Variants in DOK6 observed in about 807,000 individuals in gnomAD.
DOK6 encodes downstream of tyrosine kinase 6.
In DOK6, 22 loss-of-function variants were observed where a neutral mutation model predicts 44.0. The observed-to-expected ratio is 0.50, with a 90% confidence interval of 0.36 to 0.71. The LOEUF (loss-of-function observed/expected upper bound fraction) is 0.71, where lower values mean the gene tolerates loss of function less well. Among genes scored for constraint, DOK6 ranks in the 30% least tolerant of loss-of-function variants. The pLI is 0.00. For synonymous variants in DOK6, 166 were observed against 145.5 expected (o/e 1.14, Z -1.01); for missense variants, 340 against 416.4 (o/e 0.82, Z 1.60).
rs559224733 is a variant in DOK6 at position 69,565,287 on chromosome 18, G to C, written c.174+693G>C. On this transcript the variant is annotated intron_variant, in intron 2 of 7. Coordinates refer to ENST00000382713, the MANE Select transcript of DOK6 (RefSeq NM_152721.6). ...TAATTTCTCATTGGTCATACATGGA[G>C]TAAGTTTTCCTGGATAATGTAATGA... is the stretch of plus-strand genomic sequence containing the variant. Among the ~76,000 whole-genome samples, 3 of 152,186 alleles carry C rather than the reference G, an allele frequency of 2.0e-5. No individual in the cohort carries two copies. The South Asian group carries it at 6.2e-4, about 32-fold the overall frequency.
At chr18:69,759,772 A>G (rs934381191) in intron 7 of DOK6, among the ~76,000 whole-genome samples, 2 of 152,238 alleles carry the variant, frequency 1.3e-5, no homozygotes. Context: ...AACTTGCAGC[A>G]AAGTTAAAGG....
chr18:69,825,601 T>C (rs1981719625), intron 7 of DOK6, among the ~76,000 whole-genome samples: 1 of 151,658 alleles, frequency 6.6e-6, no homozygotes, highest in South Asian at 2.1e-4. Context: ...GCCCGGCTAA[T>C]TTTTTTGTAT....
chr18:69,809,034 C>G (rs1392200337), intron 7 of DOK6, among the ~76,000 whole-genome samples: 1 of 151,672 alleles, frequency 6.6e-6, no homozygotes, highest in East Asian at 1.9e-4. Context: ...TACAAAAATC[C>G]TCAACAGAAA....
chr18:69,475,802 CA>C (rs1290452550), intron 1 of DOK6, among the ~76,000 whole-genome samples: 1 of 152,200 alleles, frequency 6.6e-6, no homozygotes, highest in Non-Finnish European at 1.5e-5. Flanking sequence ...CTATTAGACA[CA>C]AGTTAACTTT....
intron 4 of DOK6, among the ~76,000 whole-genome samples, chr18:69,684,662 G>A (rs1210724831): frequency 6.6e-6 from 1 of 152,140 alleles, no homozygotes; most frequent in Non-Finnish European, 1.5e-5. Flanking sequence ...GGTCAAGTGG[G>A]TAGTGACACG....
intron 5 of DOK6, among the ~76,000 whole-genome samples, chr18:69,700,022 C>G (rs1453705818): frequency 6.6e-6 from 1 of 151,752 alleles, no homozygotes; most frequent in African/African-American, 2.4e-5. Context: ...AAGGGGTTTC[C>G]CCTTATCAAA....
chr18:69,471,327 C>G (rs1980100280), intron 1 of DOK6, among the ~76,000 whole-genome samples: 1 of 149,658 alleles, frequency 6.7e-6, no homozygotes, highest in East Asian at 2.0e-4. Flanking sequence ...CCTGCTGGCT[C>G]CAGGCGAGAA....
intron 4 of DOK6, among the ~76,000 whole-genome samples, chr18:69,687,450 G>C (rs1194829606): frequency 6.6e-6 from 1 of 152,226 alleles, no homozygotes; most frequent in Non-Finnish European, 1.5e-5. Context: ...GGGAGGCTGA[G>C]GCAGGTGCAT....
At chr18:69,483,008 A>G (rs1476772608) in intron 1 of DOK6, among the ~76,000 whole-genome samples, 1 of 151,880 alleles carries the variant, frequency 6.6e-6, no homozygotes, top group Non-Finnish European at 1.5e-5. Flanking sequence ...CCTAGTAGCC[A>G]TTAGGTATAT....
intron 1 of DOK6, among the ~76,000 whole-genome samples, chr18:69,486,155 T>A (rs1394686659): frequency 6.6e-6 from 1 of 151,962 alleles, no homozygotes; most frequent in Non-Finnish European, 1.5e-5. Context: ...TAAGTAATAA[T>A]GTCTACATTC....
intron 6 of DOK6, among the ~76,000 whole-genome samples, chr18:69,746,493 C>T (rs1599302271): frequency 6.6e-6 from 1 of 152,128 alleles, no homozygotes; most frequent in East Asian, 1.9e-4. Context: ...TGAGCTCAGG[C>T]AATCTGCCCA....
intron 7 of DOK6, among the ~76,000 whole-genome samples, chr18:69,774,232 A>T (rs1350365177): frequency 6.7e-6 from 1 of 149,290 alleles, no homozygotes; most frequent in Non-Finnish European, 1.5e-5. Context: ...GGAGACTATT[A>T]TTCTAAGTGA....
chr18:69,740,792 C>T (rs948479329), intron 6 of DOK6, among the ~76,000 whole-genome samples: 3 of 152,180 alleles, frequency 2.0e-5, no homozygotes, highest in Non-Finnish European at 4.4e-5. Flanking sequence ...ATAGAAGTAC[C>T]ATGAAAGTGT....
In DOK6 at chr18:69,446,574, A is replaced by C. The variant is rs1017801801; in HGVS notation, c.66+45264A>C. Among the ~76,000 whole-genome samples, 4 of 152,100 alleles carry C rather than the reference A, an allele frequency of 2.6e-5. No homozygotes were observed. In the East Asian group the frequency reaches 7.7e-4, roughly 29 times the overall value. On this transcript the variant is annotated intron_variant, in intron 1 of 7. Transcript: ENST00000382713. ...TATAATCCTTTGGGTATATACCCAG[A>C]AATGGGATGGCTGGGTCAAATGGTA...
intron 7 of DOK6, among the ~76,000 whole-genome samples, chr18:69,774,682 G>A (rs12456381): frequency 0.81 from 123,297 of 151,754 alleles, 51,373 homozygotes; most frequent in East Asian, 1. Flanking sequence ...ACAGAGAGAT[G>A]TTAAGGAGAT....
chr18:69,483,084 T>C (rs1018017611), intron 1 of DOK6, among the ~76,000 whole-genome samples: 1 of 151,884 alleles, frequency 6.6e-6, no homozygotes, highest in East Asian at 1.9e-4. Context: ...TTGTACTCTA[T>C]GTGTTCATGT....
chr18:69,762,867 C>T (rs1979606101), intron 7 of DOK6, among the ~76,000 whole-genome samples: 9 of 152,210 alleles, frequency 5.9e-5, no homozygotes, highest in Admixed American at 5.9e-4. Context: ...GACAGAGATC[C>T]TGCATCTACC....
At chr18:69,513,367 C>G (rs1051504933) in intron 1 of DOK6, among the ~76,000 whole-genome samples, 1 of 152,188 alleles carries the variant, frequency 6.6e-6, no homozygotes, top group African/African-American at 2.4e-5. Flanking sequence ...TGGGTGCGCA[C>G]ACACATATAC....
At chr18:69,488,082 C>T (rs947205651) in intron 1 of DOK6, among the ~76,000 whole-genome samples, 4 of 152,114 alleles carry the variant, frequency 2.6e-5, no homozygotes, top group Non-Finnish European at 5.9e-5. Flanking sequence ...AGGTTTCCTT[C>T]TCTAGCCTTG....
Sources: allele counts gnomAD v4.1 joint callset (sites outside exome capture counted in the v4.1 genomes callset), GRCh38; gene constraint gnomAD v4.1.1; transcripts MANE v1.5; gene names NCBI Gene and HGNC (gene_info 2026-07-23, HGNC 2026-07-21).